MKRN1: variants seen among roughly 807,000 people sequenced by gnomAD.
MKRN1 encodes the protein makorin ring finger protein 1, also known as E3 ubiquitin-protein ligase makorin-1.
Under a neutral mutation model 55.5 loss-of-function variants are expected in MKRN1, and 9 were observed. That is an observed-to-expected ratio of 0.16 (90% CI 0.10 to 0.28). The LOEUF (loss-of-function observed/expected upper bound fraction) is 0.28. Ranked by LOEUF, MKRN1 falls within the 10% of genes least tolerant of loss-of-function variation. MKRN1 has a pLI of 1.00. For synonymous variants in MKRN1, 253 were observed against 235.9 expected, an observed-to-expected ratio of 1.07 and a Z score of -0.66; for missense variants, 488 against 626.7, an observed-to-expected ratio of 0.78 and a Z score of 2.36.
At chr7:140,479,565 T>C, upstream of MKRN1, 1 of 424,596 alleles carries the variant, frequency 2.4e-6, no homozygotes, top group Non-Finnish European at 4.0e-6. Flanking sequence ...GCGCCGCTCA[T>C]TGGTGGAGGG....
chr7:140,458,593 T>C (rs903008775), intron 4 of MKRN1, among the ~76,000 whole-genome samples: 4 of 152,208 alleles, frequency 2.6e-5, no homozygotes, highest in African/African-American at 7.2e-5. Context: ...TCTGTAAATA[T>C]ACTAAAAACC....
At chr7:140,466,542 C>G (rs1006166524) in intron 2 of MKRN1, among the ~76,000 whole-genome samples, 2 of 152,076 alleles carry the variant, frequency 1.3e-5, no homozygotes, top group South Asian at 4.1e-4. Context: ...CGGTGGCTCA[C>G]GCCTGTAATC....
chr7:140,458,182 T>C (rs1461721539), intron 4 of MKRN1, among the ~76,000 whole-genome samples: 1 of 152,282 alleles, frequency 6.6e-6, no homozygotes, highest in South Asian at 2.1e-4. Context: ...ACGGAAAACA[T>C]ATCTTCACAG....
At chr7:140,474,434 G>T (rs961430015) in intron 1 of MKRN1, 2 of 365,860 alleles carry the variant, frequency 5.5e-6, no homozygotes, top group Non-Finnish European at 5.6e-6. Context: ...ACTCGCAGTG[G>T]GTTGGGGGGG....
chr7:140,456,295 A>G, intron 5 of MKRN1: 2 of 1,171,244 alleles, frequency 1.7e-6, no homozygotes, highest in Non-Finnish European at 2.1e-6. Context: ...ATTGTTGGCT[A>G]GCTTAATGAA....
chr7:140,459,986 C>T, intron 2 of MKRN1, 50 bp from the exon 3 acceptor site: 3 of 1,493,402 alleles, frequency 2.0e-6, no homozygotes, highest in Non-Finnish European at 2.8e-6. Flanking sequence ...GTGGCTCAAG[C>T]CTGTAATCCC....
At chr7:140,455,638 C>A in intron 6 of MKRN1, 152 bp downstream of exon 6, 1 of 641,050 alleles carries the variant, frequency 1.6e-6, no homozygotes, top group Non-Finnish European at 2.7e-6. Context: ...AAGATATATA[C>A]TGGATGTTAT....
At chr7:140,472,281 A>G (rs1794951348) in intron 1 of MKRN1, 2 of 375,040 alleles carry the variant, frequency 5.3e-6, no homozygotes, top group African/African-American at 2.1e-5. Flanking sequence ...CTAAAAATAC[A>G]AAAATTGGCT....
chr7:140,455,580 CTT>C (rs1336657098), intron 6 of MKRN1: 1 of 576,358 alleles, frequency 1.7e-6, no homozygotes, highest in Non-Finnish European at 3.1e-6. Flanking sequence ...GTAGAGACCT[CTT>C]TATAACACAG....
rs574292130 is a variant in MKRN1, at chr7:140,464,546, C to T, written c.315-4610G>A. On this transcript the variant is annotated intron_variant, in intron 2 of 7. Transcript: ENST00000255977. ...GGAGAAACCCCGTGTCTACTAAAAA[C>T]GCAAAAGAATTAGCTGGGCATGGTG... 4.6e-5 allele frequency among the ~76,000 whole-genome samples: 7 copies of T among 152,116 alleles called. No homozygotes were observed. In the South Asian group the frequency reaches 6.2e-4, roughly 14 times the overall value.
At chr7:140,458,360 G>GAACCTTGAA in intron 4 of MKRN1, among the ~76,000 whole-genome samples, 1 of 152,258 alleles carries the variant, frequency 6.6e-6, no homozygotes, top group Non-Finnish European at 1.5e-5. Flanking sequence ...ACCACACAAA[G>GAACCTTGAA]AACCTTGAAA....
chr7:140,472,181 G>A lies in MKRN1; in HGVS notation c.186-170C>T, dbSNP rs1157691355. On this transcript the variant is annotated intron_variant, in intron 1 of 7. Coordinates refer to ENST00000255977, the MANE Select transcript of MKRN1 (RefSeq NM_013446.4). The stretch of plus-strand genomic sequence containing the variant: ...ATGCCTGTAATCCCAGTACCTTTGG[G>A]AGGCTGAGGTGAGTGGCTCACCTGA... 3.3e-6 allele frequency: 3 copies of A among 922,254 alleles called. No individual in the cohort carries two copies. The African/African-American group carries it at 5.0e-5, about 16-fold the overall frequency. The allele number at this position is 922,254 out of a possible 1,614,324, so 57.1% of individuals were successfully genotyped here.
In MKRN1 at chr7:140,455,148, C is replaced by G; in HGVS notation, c.1183G>C (p.Gly395Arg). ...TGTCTCTGTGGCTCCTCTCTACGGC[C>G]ATCAGGGTACGCATGCTTGTAAAAA... ...NCFYKHAYPD[G>R]RREEPQRQKV... Residue 395 changes from glycine (G) to arginine (R), a missense_variant, in exon 7 of 8, where the codon GGC (glycine) becomes CGC (arginine). This residue lies in a region of MKRN1 where 278 missense variants were observed against 406.7 expected (regional missense o/e 0.68). Coordinates refer to ENST00000255977, the MANE Select transcript of MKRN1 (RefSeq NM_013446.4). 6.2e-7 allele frequency: 1 copy of G among 1,614,048 alleles called. No individual in the cohort carries two copies. The highest frequency in any genetic ancestry group is 1.3e-5 in the African/African-American group (1 of 74,996).
chr7:140,463,321 T>C (rs1400542546), intron 2 of MKRN1, among the ~76,000 whole-genome samples: 2 of 152,192 alleles, frequency 1.3e-5, no homozygotes, highest in Non-Finnish European at 2.9e-5. Context: ...GACCTCACTG[T>C]CCTACTAAGT....
chr7:140,455,881 T>G lies in MKRN1; in HGVS notation c.1006A>C (p.Ile336Leu). 1 of 1,614,046 alleles carries G rather than the reference T, an allele frequency of 6.2e-7. No homozygotes were observed. Among genetic ancestry groups the G allele is most frequent in the Non-Finnish European group, 8.5e-7 (1 of 1,179,906 alleles). Residue 336 changes from isoleucine to leucine, a missense_variant, in exon 6 of 8, where the codon ATC (isoleucine) becomes CTC (leucine). By Grantham distance (5) the Ile-to-Leu change is conservative (BLOSUM62 2). Coordinates refer to ENST00000255977, the MANE Select transcript of MKRN1 (RefSeq NM_013446.4). ...KIIKSCPECR[I>L]TSNFVIPSEY... The stretch of plus-strand genomic sequence containing the variant: ...CTTGGAATGACAAAGTTAGATGTGA[T>G]CCGGCATTCTGGGCAGGACCTGGGA...
At chr7:140,472,631 G>T (rs2130348322) in intron 1 of MKRN1, among the ~76,000 whole-genome samples, 1 of 150,852 alleles carries the variant, frequency 6.6e-6, no homozygotes, top group East Asian at 2.1e-4. Context: ...CTTGTGATCT[G>T]CCCACCTCGG....
Position 140,459,207 on chromosome 7 carries a change from G to A in MKRN1, c.571C>T (p.Leu191=). Residue 191 remains leucine (L), a synonymous_variant, in exon 4 of 8, where the codon CTG becomes TTG. Transcript: ENST00000255977. ...TCTTCCTTGGTCACTGAGCCCTGCA[G>A]GGGTGCTTCAGTGCAGGAAGGCGCA... ...RTAPSCTEAP[L]QGSVTKEESE... is the part of the protein sequence containing the mutation. 1.9e-6 allele frequency: 3 copies of A among 1,613,956 alleles called. No homozygotes were observed. Among genetic ancestry groups the A allele is most frequent in the South Asian group, 1.1e-5 (1 of 91,074 alleles).
chr7:140,465,976 G>A (rs1794753720), intron 2 of MKRN1, among the ~76,000 whole-genome samples: 1 of 152,070 alleles, frequency 6.6e-6, no homozygotes, highest in African/African-American at 2.4e-5. Context: ...AGCTACTCAG[G>A]AGGCTGAGGC....
At chr7:140,474,720 TC>T (rs1424119389) in intron 1 of MKRN1, among the ~76,000 whole-genome samples, 3 of 137,136 alleles carry the variant, frequency 2.2e-5, no homozygotes, top group African/African-American at 1.0e-4. Context: ...TTTCCTTCTT[TC>T]TTTTTTTTTT....
Sources: gnomAD v4.1 joint callset for allele counts (sites outside exome capture counted in the v4.1 genomes callset) on GRCh38, gnomAD v4.1.1 for gene constraint, gnomAD v4.1.1 regional missense constraint, MANE v1.5 for transcripts, NCBI Gene and HGNC (gene_info 2026-07-23, HGNC 2026-07-21) for gene names.